LGSN: variants seen among roughly 807,000 people sequenced by gnomAD.
The protein encoded by LGSN is lengsin.
In LGSN, 21 loss-of-function variants were observed where a neutral mutation model predicts 19.5. The observed-to-expected ratio is 1.07, with a 90% CI of 0.76 to 1.55. LGSN has a LOEUF of 1.55. LGSN is among the 40% of genes most tolerant of loss of function. LGSN has a pLI of 0.00. For missense variants in LGSN, 673 were observed against 608.5 expected (o/e 1.11, Z -1.12); for synonymous variants, 257 against 215.6 (o/e 1.19, Z -1.68).
chr6:63,454,569 T>C, the LGSN span, among the ~76,000 whole-genome samples: 10 of 142,590 alleles, frequency 7.0e-5, no homozygotes, highest in East Asian at 1.1e-3. Context: ...GCCTCCCGGG[T>C]TCAAGCAGTT....
chr6:63,292,960 T>A (rs1230822843), intron 2 of LGSN, among the ~76,000 whole-genome samples: 1 of 152,202 alleles, frequency 6.6e-6, no homozygotes, highest in Non-Finnish European at 1.5e-5. Flanking sequence ...TATATTCTCA[T>A]CTTTCCAAAT....
intron 1 of LGSN, among the ~76,000 whole-genome samples, chr6:63,296,348 A>C (rs1370482783): frequency 6.6e-6 from 1 of 151,774 alleles, no homozygotes; most frequent in Non-Finnish European, 1.5e-5. Context: ...CAATACTTGC[A>C]TAAATTTTCC....
At chr6:63,424,001 C>A in the LGSN span, among the ~76,000 whole-genome samples, 1 of 152,228 alleles carries the variant, frequency 6.6e-6, no homozygotes, top group African/African-American at 2.4e-5. Flanking sequence ...GATCATGCCA[C>A]TACACTGCAG....
At chr6:63,359,465 G>A in the LGSN span, among the ~76,000 whole-genome samples, 3 of 152,146 alleles carry the variant, frequency 2.0e-5, no homozygotes, top group African/African-American at 7.2e-5. Context: ...TCTGGTCCTG[G>A]ACTTTTTTTG....
At chr6:63,346,103 T>G in the LGSN span, among the ~76,000 whole-genome samples, 1 of 152,186 alleles carries the variant, frequency 6.6e-6, no homozygotes, top group Admixed American at 6.6e-5. Context: ...ACTCTTCTAA[T>G]TTCCTGAGCA....
chr6:63,510,759 T>C, the LGSN span, among the ~76,000 whole-genome samples: 2 of 149,426 alleles, frequency 1.3e-5, no homozygotes, highest in African/African-American at 2.5e-5. Context: ...CTGTAACCTC[T>C]GCCTCCTGGA....
the LGSN span, among the ~76,000 whole-genome samples, chr6:63,364,901 C>T: frequency 2.0e-5 from 3 of 152,110 alleles, no homozygotes; most frequent in Admixed American, 1.3e-4. Flanking sequence ...AACAAAGACA[C>T]AACATATCAG....
chr6:63,415,773 A>G, the LGSN span, among the ~76,000 whole-genome samples: 1 of 152,192 alleles, frequency 6.6e-6, no homozygotes, highest in Admixed American at 6.5e-5. Context: ...ATGCTTTGCT[A>G]CTTCATGAAG....
the LGSN span, among the ~76,000 whole-genome samples, chr6:63,568,054 G>T: frequency 9.2e-5 from 14 of 152,278 alleles, no homozygotes; most frequent in Admixed American, 6.5e-4. Flanking sequence ...AGAATGCTGT[G>T]GCTGGTTTTC....
At chr6:63,504,687 AC>A in the LGSN span, among the ~76,000 whole-genome samples, 2 of 152,060 alleles carry the variant, frequency 1.3e-5, no homozygotes, top group Non-Finnish European at 2.9e-5. Context: ...CATGTGATCC[AC>A]CCACCTCGGT....
chr6:63,505,589 G>T, the LGSN span, among the ~76,000 whole-genome samples: 3 of 105,694 alleles, frequency 2.8e-5, 1 homozygote, highest in African/African-American at 9.5e-5. Context: ...AAGAAAGAAA[G>T]AAAGAAAGAA....
chr6:63,423,405 G>A, the LGSN span, among the ~76,000 whole-genome samples: 1 of 152,060 alleles, frequency 6.6e-6, no homozygotes, highest in African/African-American at 2.4e-5. Context: ...CACTGCAGGA[G>A]GCAGGCAGAT....
the LGSN span, among the ~76,000 whole-genome samples, chr6:63,510,551 T>A: frequency 0.53 from 80,177 of 150,042 alleles, 23,240 homozygotes; most frequent in African/African-American, 0.77. Context: ...TCCCCCAGAG[T>A]TAATCTCTTC....
At chr6:63,555,925 A>T in the LGSN span, among the ~76,000 whole-genome samples, 4 of 152,064 alleles carry the variant, frequency 2.6e-5, no homozygotes, top group Non-Finnish European at 4.4e-5. Context: ...TCCTGGCCTC[A>T]AGTGATCTGC....
chr6:63,416,401 A>G, the LGSN span, among the ~76,000 whole-genome samples: 2 of 152,154 alleles, frequency 1.3e-5, no homozygotes, highest in African/African-American at 2.4e-5. Flanking sequence ...TCCTCCCTCA[A>G]GTAACTCAGT....
At chr6:63,364,713 G>C in the LGSN span, among the ~76,000 whole-genome samples, 4 of 146,964 alleles carry the variant, frequency 2.7e-5, no homozygotes, top group Admixed American at 2.6e-4. Context: ...AAATGTAAAA[G>C]AACAGAAATT....
the LGSN span, among the ~76,000 whole-genome samples, chr6:63,428,606 C>T: frequency 6.6e-6 from 1 of 152,332 alleles, no homozygotes; most frequent in African/African-American, 2.4e-5. Flanking sequence ...CCGCCTTGGC[C>T]TCCCAACATG....
At chr6:63,334,583 C>T in the LGSN span, among the ~76,000 whole-genome samples, 17 of 152,206 alleles carry the variant, frequency 1.1e-4, no homozygotes, top group African/African-American at 2.6e-4. Flanking sequence ...ATATTAATGT[C>T]GCTTTTATAG....
chr6:63,351,295 T>C, the LGSN span, among the ~76,000 whole-genome samples: 1 of 152,274 alleles, frequency 6.6e-6, no homozygotes, highest in African/African-American at 2.4e-5. Flanking sequence ...ACCCAGTTTA[T>C]GGTGCTTTCT....
Sources: allele counts gnomAD v4.1 joint callset (sites outside exome capture counted in the v4.1 genomes callset), GRCh38; gene constraint gnomAD v4.1.1; transcripts MANE v1.5; gene names NCBI Gene and HGNC (gene_info 2026-07-23, HGNC 2026-07-21).